Variants in GRIP1 observed in about 807,000 individuals in gnomAD.
GRIP1 encodes glutamate receptor-interacting protein 1.
In GRIP1, 45 loss-of-function variants were observed where a neutral mutation model predicts 129.9. The observed-to-expected ratio is 0.35, with a 90% CI of 0.27 to 0.44. GRIP1 has a LOEUF of 0.44. Ranked by LOEUF, GRIP1 falls within the 20% of genes least tolerant of loss-of-function variation. The pLI, the probability that GRIP1 is intolerant of heterozygous loss-of-function variation, is 1.00. For synonymous variants in GRIP1, 530 were observed against 520.8 expected (o/e 1.02, Z -0.24); for missense variants, 1,196 against 1,396.8 (o/e 0.86, Z 2.29).
intron 1 of GRIP1, among the ~76,000 whole-genome samples, chr12:66,886,061 G>A (rs1430832841): frequency 6.6e-6 from 1 of 152,120 alleles, no homozygotes; most frequent in African/African-American, 2.4e-5. Flanking sequence ...TCAGGAGCTC[G>A]AGACCAGCCT....
chr12:66,659,606 T>C (rs76604025), intron 1 of GRIP1, among the ~76,000 whole-genome samples: 2,688 of 152,368 alleles, frequency 0.018, 92 homozygotes, highest in African/African-American at 0.061. Flanking sequence ...TACCAGTCTC[T>C]GTATTGATTC....
chr12:66,992,801 T>C (rs753886894), intron 1 of GRIP1, among the ~76,000 whole-genome samples: 3 of 152,192 alleles, frequency 2.0e-5, no homozygotes, highest in Non-Finnish European at 4.4e-5. Flanking sequence ...TTTAAAAACA[T>C]ACTTCCAAAT....
chr12:66,750,212 T>C (rs2037081233), intron 1 of GRIP1, among the ~76,000 whole-genome samples: 1 of 152,218 alleles, frequency 6.6e-6, no homozygotes, highest in Admixed American at 6.5e-5. Context: ...GAGAATTCTA[T>C]GATATCCATG....
rs889580893 is a variant in GRIP1, at chr12:66,726,494, CACA to C, written c.-420+77556_-420+77558del. 6.6e-5 allele frequency among the ~76,000 whole-genome samples: 10 copies of C among 152,110 alleles called. 1 individual carries two copies. The highest frequency in any genetic ancestry group is 1.9e-4 in the East Asian group (1 of 5,172). On this transcript the variant is annotated intron_variant, in intron 1 of 4. Coordinates refer to the GRIP1 transcript ENST00000538373. ...AACAACAACAACAAAACAAAACAAA[CACA>C]ACAACAACAACAAAAAACAAACAAC...
chr12:66,372,529 C>T (rs1412022549), intron 22 of GRIP1, among the ~76,000 whole-genome samples: 1 of 152,284 alleles, frequency 6.6e-6, no homozygotes, highest in South Asian at 2.1e-4. Context: ...TTATTTGATA[C>T]AGATTAAGTG....
chr12:66,594,051 G>C (rs10878459), intron 2 of GRIP1, among the ~76,000 whole-genome samples: 10,014 of 113,798 alleles, frequency 0.088, 443 homozygotes, highest in East Asian at 0.15. Flanking sequence ...CTGGGTGACA[G>C]AGCAAGACTC....
At chr12:66,717,016 C>T (rs2035910066) in intron 1 of GRIP1, among the ~76,000 whole-genome samples, 1 of 152,002 alleles carries the variant, frequency 6.6e-6, no homozygotes, top group Admixed American at 6.6e-5. Context: ...TATAACTCTG[C>T]TTTTATAACA....
chr12:66,726,972 A>G (rs895423285), intron 1 of GRIP1, among the ~76,000 whole-genome samples: 2 of 152,224 alleles, frequency 1.3e-5, no homozygotes, highest in Non-Finnish European at 2.9e-5. Context: ...CAGTTAACTG[A>G]CCAAATCATT....
chr12:66,581,467 C>CTG (rs1290450961), intron 2 of GRIP1, among the ~76,000 whole-genome samples: 3 of 147,692 alleles, frequency 2.0e-5, no homozygotes, highest in African/African-American at 7.5e-5. Flanking sequence ...AATCCAGGAG[C>CTG]TGGTTTTTTG....
intron 1 of GRIP1, among the ~76,000 whole-genome samples, chr12:66,927,060 A>G (rs1353060667): frequency 6.6e-6 from 1 of 152,146 alleles, no homozygotes; most frequent in East Asian, 1.9e-4. Context: ...CACCACTCCA[A>G]CTTGTTACAT....
intron 2 of GRIP1, among the ~76,000 whole-genome samples, chr12:66,570,442 C>A (rs1360862595): frequency 6.6e-6 from 1 of 152,084 alleles, no homozygotes; most frequent in Non-Finnish European, 1.5e-5. Context: ...AAGATAGAGA[C>A]CAAATAGGCA....
At chr12:66,467,022 C>G (rs950843285) in intron 7 of GRIP1, among the ~76,000 whole-genome samples, 1 of 152,158 alleles carries the variant, frequency 6.6e-6, no homozygotes, top group Non-Finnish European at 1.5e-5. Flanking sequence ...TGACAATATC[C>G]AGGCCAACAA....
chr12:66,945,976 A>G (rs1592377289), intron 1 of GRIP1, among the ~76,000 whole-genome samples: 3 of 152,280 alleles, frequency 2.0e-5, no homozygotes, highest in African/African-American at 7.2e-5. Context: ...GCAAAGGCCC[A>G]GATGCCCAAT....
intron 15 of GRIP1, among the ~76,000 whole-genome samples, chr12:66,416,209 A>G (rs1451152703): frequency 6.6e-6 from 1 of 152,172 alleles, no homozygotes; most frequent in East Asian, 1.9e-4. Context: ...TCGTGAAACA[A>G]ATGATAATGG....
intron 1 of GRIP1, among the ~76,000 whole-genome samples, chr12:66,721,474 C>T (rs1208802020): frequency 6.6e-6 from 1 of 151,982 alleles, no homozygotes; most frequent in African/African-American, 2.4e-5. Context: ...AGCGTTTTAT[C>T]ATGTTGGCCA....
At chr12:66,593,089 T>C (rs1487268964) in intron 2 of GRIP1, among the ~76,000 whole-genome samples, 1 of 152,174 alleles carries the variant, frequency 6.6e-6, no homozygotes, top group East Asian at 1.9e-4. Context: ...CATATTAAAA[T>C]TTTCATTAAA....
intron 1 of GRIP1, among the ~76,000 whole-genome samples, chr12:66,757,744 C>T (rs1007002636): frequency 6.6e-6 from 1 of 152,174 alleles, no homozygotes. Context: ...TCTCTACATC[C>T]TCATCAACAC....
chr12:66,709,558 A>G (rs1036116608), intron 1 of GRIP1, among the ~76,000 whole-genome samples: 1 of 151,910 alleles, frequency 6.6e-6, no homozygotes, highest in Non-Finnish European at 1.5e-5. Context: ...GTTTGATGAC[A>G]GGGAGTTGTT....
At chr12:66,476,155 T>C (rs930142475) in intron 7 of GRIP1, among the ~76,000 whole-genome samples, 1 of 151,874 alleles carries the variant, frequency 6.6e-6, no homozygotes, top group African/African-American at 2.4e-5. Context: ...AAGAATCAAA[T>C]AGATGCAATA....
Sources: allele counts gnomAD v4.1 joint callset (sites outside exome capture counted in the v4.1 genomes callset), GRCh38; gene constraint gnomAD v4.1.1; transcripts MANE v1.5; gene names NCBI Gene and HGNC (gene_info 2026-07-23, HGNC 2026-07-21).